The following PLXNA1 variants were observed in gnomAD, a reference collection of about 807,000 sequenced individuals.
The protein encoded by PLXNA1 is plexin-A1.
In PLXNA1, 77 loss-of-function variants were observed where a neutral mutation model predicts 191.7. That is an observed-to-expected ratio of 0.40 (90% CI 0.33 to 0.49). The LOEUF is 0.49. PLXNA1 is among the 20% of genes least tolerant of loss of function. The pLI, the probability that PLXNA1 is intolerant of heterozygous loss-of-function variation, is 0.63. For missense variants in PLXNA1, 2,110 were observed against 2,660.2 expected, an observed-to-expected ratio of 0.79 and a Z score of 4.55; for synonymous variants, 1,137 against 1,156.4, an observed-to-expected ratio of 0.98 and a Z score of 0.34.
chr3:127,014,154 C>T (rs772914534), intron 11 of PLXNA1, 28 bp from the exon 12 acceptor site: 1 of 1,612,454 alleles, frequency 6.2e-7, no homozygotes, highest in South Asian at 1.1e-5. Flanking sequence ...AGTGGGCGGG[C>T]CCGAGCTGAC....
intron 3 of PLXNA1, among the ~76,000 whole-genome samples, chr3:126,994,900 C>T (rs1048105366): frequency 2.0e-5 from 3 of 152,040 alleles, no homozygotes; most frequent in African/African-American, 7.2e-5. Context: ...AGGCAGCTGG[C>T]CTGGCTGTGC....
chr3:127,029,575 G>A (rs1576692075), intron 27 of PLXNA1, 39 bp downstream of exon 27: 1 of 1,592,046 alleles, frequency 6.3e-7, no homozygotes. Flanking sequence ...CAGCGCATGG[G>A]TCCCTGGCCT....
At position 127,028,006 on chromosome 3, in the gene PLXNA1, A is replaced by G; in HGVS notation, c.4429A>G (p.Ile1477Val). The change falls in exon 24 of 32, where the codon ATT (isoleucine) becomes GTT (valine). Residue 1477 changes from isoleucine to valine, a missense_variant. Transcript: ENST00000393409. ...CAAGCAGCAGATGGAGAAGGGCCCC[A>G]TTGACGCCATCACGGGTGAGGCACG... Reference protein sequence around the residue: ...AIKQQMEKGPIDAITGEARYS... With the variant: ...AIKQQMEKGPVDAITGEARYS... 6.2e-7 allele frequency: 1 copy of G among 1,614,000 alleles called. No homozygotes were observed. Among genetic ancestry groups the G allele is most frequent in the African/African-American group, 1.3e-5 (1 of 75,036 alleles).
Position 127,022,015 on chromosome 3 carries a change from C to T in PLXNA1, c.4039-70C>T, listed in dbSNP as rs201844997. On this transcript the variant is annotated intron_variant, in intron 21 of 31. Transcript: ENST00000393409. Reference sequence around the variant, plus strand: ...GCCTCACCAGCCAGGCCTGGACAGCCCCTCACTGGTCAGCTTGGGGGCTGG... The same window carrying T: ...GCCTCACCAGCCAGGCCTGGACAGCTCCTCACTGGTCAGCTTGGGGGCTGG... The T allele has an allele frequency of 3.0e-4, 461 of 1,561,690 alleles. 2 individuals are homozygous for T. In the African/African-American group the frequency reaches 4.7e-3, roughly 16 times the overall value.
At chr3:127,028,899 G>C in intron 25 of PLXNA1, 94 bp from the exon 26 acceptor site, 1 of 882,438 alleles carries the variant, frequency 1.1e-6, no homozygotes, top group Non-Finnish European at 1.8e-6. Flanking sequence ...CTGGTGCTGA[G>C]AGCTGCAGGC....
chr3:127,000,538 G>A (rs1445712741), intron 3 of PLXNA1, among the ~76,000 whole-genome samples: 4 of 152,202 alleles, frequency 2.6e-5, no homozygotes, highest in Non-Finnish European at 5.9e-5. Flanking sequence ...CTCCTGCTGG[G>A]TACTGGCTCC....
intron 7 of PLXNA1, 101 bp downstream of exon 7, chr3:127,005,344 A>T: frequency 1.7e-5 from 23 of 1,387,262 alleles, no homozygotes; most frequent in Non-Finnish European, 2.0e-5. Context: ...TTCCAAGGGC[A>T]TGTTGGTGAC....
In PLXNA1 at chr3:126,989,692, G is replaced by A; in HGVS notation, c.1099G>A (p.Glu367Lys). The A allele has an allele frequency of 6.2e-7, 1 of 1,613,146 alleles. No individual in the cohort carries two copies. Among genetic ancestry groups the A allele is most frequent in the Non-Finnish European group, 8.5e-7 (1 of 1,180,032 alleles). Residue 367 changes from glutamate (E) to lysine (K), a missense_variant, in exon 2 of 32, where the codon GAG becomes AAG. Transcript: ENST00000393409. ...LCLFTLRAIK[E>K]KIKERIQSCY... The stretch of plus-strand genomic sequence containing the variant: ...CCTGTTCACGCTCAGGGCCATCAAG[G>A]AGAAGATTAAGGAGCGCATCCAGTC...
In PLXNA1 at chr3:127,032,688, A is replaced by G; in HGVS notation, c.5447A>G (p.Tyr1816Cys). Residue 1816 changes from tyrosine (Y) to cysteine (C), a missense_variant and splice_region_variant, in exon 31 of 32, where the codon TAC becomes TGC. Transcript: ENST00000393409. ...IPNYKSWVER[Y>C]YADIAKMPAI... ...CCCACCTGGCCACTCACCTGCAGGT[A>G]CTATGCAGACATCGCCAAGATGCCA... 1.9e-6 allele frequency: 3 copies of G among 1,613,234 alleles called. No homozygotes were observed. Among genetic ancestry groups the G allele is most frequent in the Non-Finnish European group, 2.5e-6 (3 of 1,179,972 alleles).
intron 1 of PLXNA1, among the ~76,000 whole-genome samples, chr3:126,986,233 C>T (rs1475724596): frequency 1.3e-5 from 2 of 152,244 alleles, no homozygotes; most frequent in Non-Finnish European, 2.9e-5. Flanking sequence ...CCAGCCCCGG[C>T]CCCACTGCCA....
At chr3:127,003,601 C>T in intron 4 of PLXNA1, 131 bp downstream of exon 4, 3 of 1,096,404 alleles carry the variant, frequency 2.7e-6, no homozygotes, top group Non-Finnish European at 2.5e-6. Flanking sequence ...AAAGTAGTTT[C>T]AAGCTGGTCT....
intron 25 of PLXNA1, chr3:127,028,758 T>C (rs1298224091): frequency 3.5e-6 from 2 of 571,750 alleles, no homozygotes; most frequent in Non-Finnish European, 3.1e-6. Flanking sequence ...GCCCTAAGGC[T>C]TGCGGAAGGC....
intron 16 of PLXNA1, 21 bp downstream of exon 16, chr3:127,016,705 T>G (rs975010065): frequency 1.2e-6 from 2 of 1,612,748 alleles, no homozygotes; most frequent in African/African-American, 2.7e-5. Flanking sequence ...GCAACACCCA[T>G]TCCCTATCCC....
chr3:127,028,059 C>T lies in PLXNA1; in HGVS notation c.4482C>T (p.Ile1494=), dbSNP rs367936689. 1.1e-5 allele frequency: 18 copies of T among 1,613,922 alleles called. No individual in the cohort carries two copies. The African/African-American group carries it at 2.3e-4, about 20-fold the overall frequency. Residue 1494 remains isoleucine (I), a synonymous_variant, in exon 24 of 32, where the codon ATC becomes ATT. Transcript: ENST00000393409. ...ACTCCCTGAGTGAGGACAAGCTCAT[C>T]CGGCAGCAGATTGACTACAAGACAC... ...ARYSLSEDKL[I]RQQIDYKTLT...
intron 14 of PLXNA1, 77 bp from the exon 15 acceptor site, chr3:127,015,107 A>G (rs978995907): frequency 1.1e-5 from 17 of 1,538,934 alleles, no homozygotes; most frequent in Admixed American, 1.9e-5. Context: ...GGGGGTAAGC[A>G]GGCCAAGTGG....
chr3:127,017,552 C>G lies in PLXNA1; in HGVS notation c.3404C>G (p.Ser1135Cys). Reference sequence around the variant, plus strand: ...GGCTTCGTCATGGACAACGTGCGCTCCCTGCTTGTGCTCAACTCCACCTCC... The same window carrying G: ...GGCTTCGTCATGGACAACGTGCGCTGCCTGCTTGTGCTCAACTCCACCTCC... ...ELGFVMDNVRSLLVLNSTSFL... is the reference protein window; with the variant it reads ...ELGFVMDNVRCLLVLNSTSFL... The change falls in exon 18 of 32, where the codon TCC (serine) becomes TGC (cysteine). Residue 1135 changes from serine to cysteine, a missense_variant. Physicochemically the swap from Ser to Cys is moderately radical, Grantham distance 112 (BLOSUM62 -1). This residue lies in a region of PLXNA1 where 644 missense variants were observed against 714.3 expected (regional missense o/e 0.90). Transcript: ENST00000393409. 2.5e-6 allele frequency: 4 copies of G among 1,613,740 alleles called. No homozygotes were observed. The highest frequency in any genetic ancestry group is 3.4e-6 in the Non-Finnish European group (4 of 1,180,016).
At chr3:127,010,516 C>G (rs1033482624) in intron 9 of PLXNA1, among the ~76,000 whole-genome samples, 2 of 152,130 alleles carry the variant, frequency 1.3e-5, no homozygotes, top group African/African-American at 4.8e-5. Flanking sequence ...CCGGGTGTGG[C>G]CCAGGCAGCC....
In PLXNA1 at chr3:127,036,512, A is replaced by C. The variant is rs947045906; in HGVS notation, c.*2495A>C. On this transcript the variant is annotated 3_prime_UTR_variant, in exon 32 of 32. Transcript: ENST00000393409. Reference sequence around the variant, plus strand: ...TACATGCGCAAGGATCAAGCCGACTACCTGTGCTGTCTACTGGGACAGCAG... The same window carrying C: ...TACATGCGCAAGGATCAAGCCGACTCCCTGTGCTGTCTACTGGGACAGCAG... 3 of 152,448 alleles carry C rather than the reference A, an allele frequency of 2.0e-5. No individual in the cohort carries two copies. The highest frequency in any genetic ancestry group is 7.2e-5 in the African/African-American group (3 of 41,442). 9.4% of individuals were successfully genotyped at this position (152,448 alleles called of 1,614,324 possible). A position where few individuals can be genotyped will look rare whatever the true frequency, so the allele number is the denominator to read the frequency against.
intron 10 of PLXNA1, among the ~76,000 whole-genome samples, chr3:127,013,327 G>A (rs912515942): frequency 6.6e-6 from 1 of 152,156 alleles, no homozygotes; most frequent in Non-Finnish European, 1.5e-5. Context: ...GGGAGTATCG[G>A]GGAATTTGAC....
Sources: allele counts gnomAD v4.1 joint callset (sites outside exome capture counted in the v4.1 genomes callset), GRCh38; gene constraint gnomAD v4.1.1; regional missense constraint gnomAD v4.1.1; transcripts MANE v1.5; gene names NCBI Gene and HGNC (gene_info 2026-07-23, HGNC 2026-07-21).